Variants in PREX2 observed in about 807,000 individuals in gnomAD.
PREX2 encodes phosphatidylinositol 3,4,5-trisphosphate-dependent Rac exchanger 2 protein.
In PREX2, 107 loss-of-function variants were observed where a neutral mutation model predicts 203.2. That is an observed-to-expected ratio of 0.53 (90% CI 0.45 to 0.62). The LOEUF is 0.62. Among genes scored for constraint, PREX2 ranks in the 20% least tolerant of loss-of-function variants. PREX2 has a pLI of 0.00. For synonymous variants in PREX2, 672 were observed against 663.6 expected (o/e 1.01, Z -0.19); for missense variants, 1,777 against 1,955.9 (o/e 0.91, Z 1.72).
intron 11 of PREX2, among the ~76,000 whole-genome samples, chr8:68,068,475 TA>T (rs1809085382): frequency 6.6e-6 from 1 of 152,098 alleles, no homozygotes; most frequent in Admixed American, 6.5e-5. Context: ...AGTTAGATAC[TA>T]AATTGATTTA....
chr8:68,187,866 A>G (rs576987484), intron 35 of PREX2, among the ~76,000 whole-genome samples: 19 of 152,334 alleles, frequency 1.2e-4, no homozygotes, highest in African/African-American at 3.8e-4. Flanking sequence ...TGTGGGCTAC[A>G]CTGAGGCCTC....
intron 21 of PREX2, among the ~76,000 whole-genome samples, chr8:68,095,287 C>G (rs1026186373): frequency 7.9e-5 from 12 of 152,106 alleles, no homozygotes; most frequent in African/African-American, 2.7e-4. Flanking sequence ...AGGGGTGGGT[C>G]TGAAAGCTCC....
chr8:68,066,330 C>T (rs576329867), intron 11 of PREX2, among the ~76,000 whole-genome samples: 1 of 152,190 alleles, frequency 6.6e-6, no homozygotes, highest in East Asian at 1.9e-4. Context: ...TATGAATTTA[C>T]ATCTCCACCA....
At position 68,234,289 on chromosome 8, in the gene PREX2, A is replaced by T. The variant is rs766313846; in HGVS notation, c.*2911A>T. The T allele has an allele frequency of 6.6e-6, 1 of 152,138 alleles. No individual in the cohort carries two copies. The highest frequency in any genetic ancestry group is 1.5e-5 in the Non-Finnish European group (1 of 68,036). The allele number at this position is 152,138 out of a possible 1,614,324, so 9.4% of individuals were successfully genotyped here. On this transcript the variant is annotated 3_prime_UTR_variant, in exon 40 of 40. Coordinates refer to ENST00000288368, the MANE Select transcript of PREX2 (RefSeq NM_024870.4). Reference sequence around the variant, plus strand: ...TTACCTTAATGCTACATGCTCCTCTATAACCAGTGCACCTTCAAATACTGC... The same window carrying T: ...TTACCTTAATGCTACATGCTCCTCTTTAACCAGTGCACCTTCAAATACTGC...
Position 68,083,250 on chromosome 8 carries a change from T to G in PREX2, c.1889T>G (p.Met630Arg). 6.3e-7 allele frequency: 1 copy of G among 1,591,446 alleles called. No individual in the cohort carries two copies. The highest frequency in any genetic ancestry group is 8.6e-7 in the Non-Finnish European group (1 of 1,164,506). Residue 630 changes from methionine to arginine, a missense_variant, in exon 18 of 40, where the codon ATG becomes AGG. Met to Arg is a moderately conservative substitution (Grantham distance 91). Transcript: ENST00000288368. ...TAATTTCTCTCTTAGATGGCTGGCA[T>G]GGAAGTCGGGAAAAAGATTTTTGCT... ...EKGSNAEMAG[M>R]EVGKKIFAIN...
chr8:68,061,469 A>G (rs1448034821), intron 11 of PREX2, among the ~76,000 whole-genome samples: 1 of 152,206 alleles, frequency 6.6e-6, no homozygotes, highest in Non-Finnish European at 1.5e-5. Flanking sequence ...GACTGCGAGC[A>G]CTAGGCCCCT....
intron 37 of PREX2, among the ~76,000 whole-genome samples, chr8:68,206,839 G>A (rs1812635374): frequency 6.6e-6 from 1 of 152,148 alleles, no homozygotes; most frequent in Admixed American, 6.5e-5. Context: ...CTGATGTCTT[G>A]ACAGTGGAGC....
At chr8:68,078,906 G>A (rs1230806997) in intron 15 of PREX2, among the ~76,000 whole-genome samples, 6 of 152,166 alleles carry the variant, frequency 3.9e-5, no homozygotes, top group Non-Finnish European at 5.9e-5. Context: ...TGTAGCTCAT[G>A]CCTGGCTTTA....
chr8:68,207,480 T>C (rs1223718015), intron 37 of PREX2, among the ~76,000 whole-genome samples: 1 of 152,110 alleles, frequency 6.6e-6, no homozygotes, highest in East Asian at 1.9e-4. Context: ...ATTTTTAAAA[T>C]AAGTATGTAT....
chr8:68,178,106 G>A (rs370485085), intron 35 of PREX2, among the ~76,000 whole-genome samples: 140 of 152,254 alleles, frequency 9.2e-4, no homozygotes, highest in African/African-American at 3.0e-3. Context: ...ACATATATGT[G>A]CATGCATCTT....
chr8:68,109,305 A>G, intron 24 of PREX2, 111 bp from the exon 25 acceptor site: 1 of 743,554 alleles, frequency 1.3e-6, no homozygotes, highest in East Asian at 2.7e-5. Context: ...TGTACATGTA[A>G]TACATATAAT....
intron 8 of PREX2, among the ~76,000 whole-genome samples, chr8:68,046,695 T>C (rs1470421614): frequency 6.6e-6 from 1 of 152,110 alleles, no homozygotes; most frequent in East Asian, 1.9e-4. Context: ...AAACATTTAT[T>C]ACATCTTGTA....
chr8:68,154,604 T>A (rs892243640), intron 34 of PREX2, among the ~76,000 whole-genome samples: 9 of 152,262 alleles, frequency 5.9e-5, no homozygotes, highest in Non-Finnish European at 1.2e-4. Flanking sequence ...GATTATTTTA[T>A]CAGGGAGAGT....
intron 25 of PREX2, 70 bp from the exon 26 acceptor site, chr8:68,115,683 C>T: frequency 9.6e-7 from 1 of 1,038,642 alleles, no homozygotes; most frequent in Non-Finnish European, 1.4e-6. Flanking sequence ...CTATTGTATT[C>T]AGCAAATAAG....
intron 37 of PREX2, among the ~76,000 whole-genome samples, chr8:68,215,600 T>G (rs760247656): frequency 2.6e-4 from 39 of 152,198 alleles, no homozygotes; most frequent in Middle Eastern, 6.8e-3. Context: ...AGTGGTGCGA[T>G]CTCTGCTCAC....
chr8:68,192,712 A>C, intron 37 of PREX2, 187 bp downstream of exon 37: 1 of 454,448 alleles, frequency 2.2e-6, no homozygotes, highest in East Asian at 3.4e-5. Flanking sequence ...AGTCATACAC[A>C]TGAAGGCAAT....
intron 35 of PREX2, among the ~76,000 whole-genome samples, chr8:68,167,497 A>AAT (rs967800525): frequency 6.6e-6 from 1 of 151,730 alleles, no homozygotes; most frequent in African/African-American, 2.4e-5. Flanking sequence ...ATGCCCAGCT[A>AAT]ATTTTTGTAT....
chr8:68,216,418 G>A (rs1315262915), intron 37 of PREX2, among the ~76,000 whole-genome samples: 1 of 152,048 alleles, frequency 6.6e-6, no homozygotes, highest in Non-Finnish European at 1.5e-5. Context: ...TAAGGAAAAG[G>A]CTAATTAAAA....
At chr8:68,087,894 G>A in intron 19 of PREX2, 85 bp downstream of exon 19, 1 of 850,544 alleles carries the variant, frequency 1.2e-6, no homozygotes, top group South Asian at 1.3e-5. Context: ...AAAATAGGCA[G>A]AACCATGCTG....
Sources: allele counts gnomAD v4.1 joint callset (sites outside exome capture counted in the v4.1 genomes callset), GRCh38; gene constraint gnomAD v4.1.1; transcripts MANE v1.5; gene names NCBI Gene and HGNC (gene_info 2026-07-23, HGNC 2026-07-21).